NBPF9: variants seen among roughly 807,000 people sequenced by gnomAD.
The protein encoded by NBPF9 is NBPF family member NBPF9.
NBPF9 carries 91 observed loss-of-function variants against 97.8 expected under a neutral mutation model. The ratio of observed to expected loss-of-function variants is 0.93; its 90% CI spans 0.79 to 1.11. The LOEUF is 1.11. NBPF9 is among the 50% of genes least tolerant of loss of function. NBPF9 has a pLI of 0.00. For missense variants in NBPF9, 992 were observed against 939.5 expected (o/e 1.06, Z -0.73); for synonymous variants, 334 against 359.5 (o/e 0.93, Z 0.80).
intron 15 of NBPF9, 111 bp downstream of exon 15, chr1:149,071,493 G>C: frequency 8.3e-7 from 1 of 1,199,396 alleles, no homozygotes; most frequent in Non-Finnish European, 1.2e-6. Flanking sequence ...CACATACTGT[G>C]GCCAAGCGAA....
chr1:149,059,425 C>T (rs2078457464), intron 25 of NBPF9: 3 of 405,864 alleles, frequency 7.4e-6, no homozygotes, highest in Non-Finnish European at 1.4e-5. Flanking sequence ...AAAGAGTGAG[C>T]TCAATAGTTT....
Position 149,062,845 on chromosome 1 carries a change from T to C in NBPF9, c.2078+17A>G, listed in dbSNP as rs1575825809. ...GTGTCAACACAGAATTAAGCATCCA[T>C]AATTGCTCAAAGTTACCTGGGGCAT... On this transcript the variant is annotated intron_variant, in intron 21 of 29. Coordinates refer to ENST00000584027, the Ensembl canonical transcript of NBPF9. 1 of 665,846 alleles carries C rather than the reference T, an allele frequency of 1.5e-6. No homozygotes were observed. The highest frequency in any genetic ancestry group is 4.0e-4 in the Middle Eastern group (1 of 2,472). The allele number at this position is 665,846 out of a possible 1,614,324, so 41.2% of individuals were successfully genotyped here.
At chr1:149,085,504 C>A (rs1553658206) in intron 5 of NBPF9, among the ~76,000 whole-genome samples, 1 of 152,116 alleles carries the variant, frequency 6.6e-6, no homozygotes, top group Admixed American at 6.5e-5. Context: ...AAATCTCCTA[C>A]TAGAAATAAT....
intron 4 of NBPF9, among the ~76,000 whole-genome samples, chr1:149,093,431 T>TG (rs1160206011): frequency 6.6e-6 from 1 of 151,970 alleles, no homozygotes; most frequent in Non-Finnish European, 1.5e-5. Flanking sequence ...AGACCCTTTA[T>TG]GGGTGTCGGG....
At chr1:149,084,335 TATA>T (rs2080801686) in intron 5 of NBPF9, among the ~76,000 whole-genome samples, 1 of 147,446 alleles carries the variant, frequency 6.8e-6, no homozygotes, top group Non-Finnish European at 1.5e-5. Flanking sequence ...CACACATGAA[TATA>T]TATAATATAT....
exon 7 of NBPF9, chr1:149,082,018 C>A: frequency 6.2e-7 from 1 of 1,608,882 alleles, no homozygotes; most frequent in Non-Finnish European, 8.5e-7. Flanking sequence ...TAGAAAACAT[C>A]TCTCTTTGAG....
At chr1:149,103,463 C>T (rs1217462534) in exon 1 of NBPF9, 22 of 152,496 alleles carry the variant, frequency 1.4e-4, no homozygotes, top group Admixed American at 4.6e-4. Flanking sequence ...CGACGCTCAC[C>T]TACCCCTCCC....
At chr1:149,082,796 TTG>T in intron 5 of NBPF9, among the ~76,000 whole-genome samples, 1 of 149,102 alleles carries the variant, frequency 6.7e-6, no homozygotes, top group Admixed American at 6.7e-5. Context: ...TTTTTTTTTT[TTG>T]AGACAGAGTC....
intron 13 of NBPF9, among the ~76,000 whole-genome samples, chr1:149,073,216 C>A (rs1553653421): frequency 6.8e-6 from 1 of 147,838 alleles, no homozygotes; most frequent in African/African-American, 2.5e-5. Flanking sequence ...AAAAAGACAT[C>A]CTTTCAGTTC....
chr1:149,075,548 A>G, intron 12 of NBPF9, 107 bp downstream of exon 12: 1 of 1,372,406 alleles, frequency 7.3e-7, no homozygotes, highest in Non-Finnish European at 1.0e-6. Context: ...TTTTCCTAGA[A>G]GTATGGGGAG....
chr1:149,055,938 A>G, intron 29 of NBPF9, 39 bp from the exon 30 acceptor site: 1 of 1,611,918 alleles, frequency 6.2e-7, no homozygotes, highest in Admixed American at 1.7e-5. Flanking sequence ...AGCCAGGGAA[A>G]ATCAGACACC....
intron 4 of NBPF9, among the ~76,000 whole-genome samples, chr1:149,097,885 A>T (rs1215100655): frequency 6.6e-6 from 1 of 152,066 alleles, no homozygotes; most frequent in Admixed American, 6.6e-5. Flanking sequence ...GGAGATGGGA[A>T]CGGCCTTCAA....
rs766643252 is a variant in NBPF9, at chr1:149,086,912, ACTGT to A, written c.-195+3837_-195+3840del. Among the ~76,000 whole-genome samples, 472 of 152,240 alleles carry A rather than the reference ACTGT, an allele frequency of 3.1e-3. 1 individual carries two copies. Among genetic ancestry groups the A allele is most frequent in the Non-Finnish European group, 5.0e-3 (340 of 68,034 alleles). On this transcript the variant is annotated intron_variant, in intron 5 of 29. Coordinates refer to ENST00000584027, the Ensembl canonical transcript of NBPF9. ...TGTGTAAATTCCCAGGAATGGAATG[ACTGT>A]CTATCTGATTTGTGTTATGTTTAAC...
chr1:149,086,564 C>G (rs1457280001), intron 5 of NBPF9, among the ~76,000 whole-genome samples: 30 of 152,024 alleles, frequency 2.0e-4, no homozygotes, highest in Admixed American at 1.3e-3. Flanking sequence ...TTTAGATTAA[C>G]TGAATTTAAC....
chr1:149,076,567 A>G (rs1418803859), intron 11 of NBPF9, among the ~76,000 whole-genome samples: 3 of 149,784 alleles, frequency 2.0e-5, no homozygotes, highest in Non-Finnish European at 4.5e-5. Context: ...CAGTGGCACA[A>G]TCTCGGCTCA....
In NBPF9 at chr1:149,055,822, G is replaced by C; in HGVS notation, c.3170C>G (p.Ser1057Ter). Residue 1057 changes from serine (S) to a stop codon, truncating the protein, a stop_gained, in exon 30 of 30, where the codon TCA becomes TGA. Transcript: ENST00000584027. LOFTEE classifies it low-confidence loss of function (END_TRUNC). ...TGAGTCAGGTAGTTCAAAGTACATTGACGGAGTAGAATAACATCCATCCAG... is the reference window on the plus strand; with the variant it reads ...TGAGTCAGGTAGTTCAAAGTACATTCACGGAGTAGAATAACATCCATCCAG... 1 of 1,606,666 alleles carries C rather than the reference G, an allele frequency of 6.2e-7. No homozygotes were observed. The highest frequency in any genetic ancestry group is 8.5e-7 in the Non-Finnish European group (1 of 1,178,942).
Position 149,094,656 on chromosome 1 carries a change from A to C in NBPF9, c.-336-3762T>G, listed in dbSNP as rs1180348809. On this transcript the variant is annotated intron_variant, in intron 4 of 29. Coordinates refer to ENST00000584027, the Ensembl canonical transcript of NBPF9. Reference sequence around the variant, plus strand: ...TTATAACAAGTAATTCTTTAAACAAACTTTTAGGTTTCTATTTCAACATGG... The same window carrying C: ...TTATAACAAGTAATTCTTTAAACAACCTTTTAGGTTTCTATTTCAACATGG... Among the ~76,000 whole-genome samples the C allele has an allele frequency of 1.8e-4, 27 of 148,178 alleles. No individual in the cohort carries two copies. The South Asian group carries it at 5.4e-3, about 30-fold the overall frequency.
intron 5 of NBPF9, among the ~76,000 whole-genome samples, chr1:149,086,840 C>T (rs1246699306): frequency 6.6e-6 from 1 of 152,128 alleles, no homozygotes; most frequent in African/African-American, 2.4e-5. Flanking sequence ...CAGCCCGCCC[C>T]TCAGGTTGGT....
At chr1:149,099,616 G>T (rs1185607093) in intron 3 of NBPF9, among the ~76,000 whole-genome samples, 3 of 152,096 alleles carry the variant, frequency 2.0e-5, no homozygotes, top group African/African-American at 4.8e-5. Context: ...TAACAACAAT[G>T]AATACTATAT....
Sources: gnomAD v4.1 joint callset for allele counts (sites outside exome capture counted in the v4.1 genomes callset) on GRCh38, gnomAD v4.1.1 for gene constraint, MANE v1.5 for transcripts, NCBI Gene and HGNC (gene_info 2026-07-23, HGNC 2026-07-21) for gene names.